Variants in SEMA3A observed in about 807,000 individuals in gnomAD.
The protein encoded by SEMA3A is semaphorin-3A.
SEMA3A carries 29 observed loss-of-function variants against 97.9 expected under a neutral mutation model. The ratio of observed to expected loss-of-function variants is 0.30; its 90% CI spans 0.22 to 0.40. The LOEUF (loss-of-function observed/expected upper bound fraction) is 0.40, where lower values mean the gene tolerates loss of function less well. Ranked by LOEUF, SEMA3A falls within the 10% of genes least tolerant of loss-of-function variation. The probability of loss-of-function intolerance (pLI) is 1.00; values close to 1 mark genes in which losing one functional copy is unlikely to be tolerated. For synonymous variants in SEMA3A, 321 were observed against 323.7 expected, an observed-to-expected ratio of 0.99 and a Z score of 0.09; for missense variants, 763 against 951.3, an observed-to-expected ratio of 0.80 and a Z score of 2.60.
intron 3 of SEMA3A, among the ~76,000 whole-genome samples, chr7:84,286,277 A>T (rs1800586356): frequency 6.6e-6 from 1 of 152,206 alleles, no homozygotes; most frequent in African/African-American, 2.4e-5. Flanking sequence ...TTTCATTCAC[A>T]TATTGAGTTC....
intron 1 of SEMA3A, among the ~76,000 whole-genome samples, chr7:84,162,537 C>T (rs950167213): frequency 6.6e-6 from 1 of 151,986 alleles, no homozygotes; most frequent in Non-Finnish European, 1.5e-5. Flanking sequence ...GACTCTGATT[C>T]TAAGTACAGC....
At chr7:84,313,980 A>C (rs1184181877) in intron 2 of SEMA3A, among the ~76,000 whole-genome samples, 1 of 152,076 alleles carries the variant, frequency 6.6e-6, no homozygotes, top group East Asian at 1.9e-4. Context: ...TTTTACACTT[A>C]AAGTAATAGA....
At chr7:84,311,198 T>C (rs59983170) in intron 2 of SEMA3A, among the ~76,000 whole-genome samples, 10,276 of 152,040 alleles carry the variant, frequency 0.068, 500 homozygotes, top group Middle Eastern at 0.078. Context: ...AAATTAGACA[T>C]ACAACCAAAA....
At chr7:83,965,993 T>TA (rs1331056926) in intron 15 of SEMA3A, among the ~76,000 whole-genome samples, 106 of 150,578 alleles carry the variant, frequency 7.0e-4, no homozygotes, top group Admixed American at 4.0e-3. Flanking sequence ...ATGGGTGCAT[T>TA]AAAAAAAAAT....
intron 1 of SEMA3A, among the ~76,000 whole-genome samples, chr7:84,193,900 C>T (rs1253686734): frequency 6.6e-6 from 1 of 152,078 alleles, no homozygotes; most frequent in Non-Finnish European, 1.5e-5. Context: ...TAGCCAAATA[C>T]AGTCTTTTGT....
chr7:84,340,535 T>G (rs1410711217), intron 2 of SEMA3A, among the ~76,000 whole-genome samples: 1 of 152,086 alleles, frequency 6.6e-6, no homozygotes, highest in Non-Finnish European at 1.5e-5. Flanking sequence ...TCCCAGCACT[T>G]TGGGAGGCCG....
At chr7:84,209,414 AG>A (rs1159796926) in intron 3 of SEMA3A, among the ~76,000 whole-genome samples, 1 of 152,200 alleles carries the variant, frequency 6.6e-6, no homozygotes, top group Non-Finnish European at 1.5e-5. Flanking sequence ...CAGTATGATG[AG>A]GGAAACCCAA....
chr7:84,131,946 T>C (rs945804727), intron 2 of SEMA3A, among the ~76,000 whole-genome samples: 1 of 152,146 alleles, frequency 6.6e-6, no homozygotes, highest in Non-Finnish European at 1.5e-5. Context: ...TGTGCCACCA[T>C]GCCCAGCTTA....
At chr7:84,380,337 T>C (rs1803225520) in intron 1 of SEMA3A, among the ~76,000 whole-genome samples, 1 of 152,204 alleles carries the variant, frequency 6.6e-6, no homozygotes. Context: ...TCCTATGATA[T>C]GTTCACAATC....
chr7:83,973,593 A>G (rs1175545377), intron 15 of SEMA3A, among the ~76,000 whole-genome samples: 3 of 152,190 alleles, frequency 2.0e-5, no homozygotes, highest in Admixed American at 6.6e-5. Context: ...TAGCACTGCT[A>G]CAAAATACTA....
intron 15 of SEMA3A, among the ~76,000 whole-genome samples, chr7:83,967,045 T>C (rs936499951): frequency 6.6e-6 from 1 of 152,144 alleles, no homozygotes; most frequent in African/African-American, 2.4e-5. Context: ...GTTATTTCTA[T>C]TAAGTCTTCT....
chr7:83,961,172 G>A lies in SEMA3A; in HGVS notation c.*199C>T. ...TGCATTCACCTGTGTTCTCTGTTAGGTGGTGGTATTAGGAAAAAAAGCCTA... is the reference window on the plus strand; with the variant it reads ...TGCATTCACCTGTGTTCTCTGTTAGATGGTGGTATTAGGAAAAAAAGCCTA... On this transcript the variant is annotated 3_prime_UTR_variant, in exon 17 of 17. Transcript: ENST00000265362. 5.1e-6 allele frequency: 3 copies of A among 588,532 alleles called. No individual in the cohort carries two copies. In the South Asian group the frequency reaches 6.0e-5, roughly 12 times the overall value. 36.5% of individuals were successfully genotyped at this position (588,532 alleles called of 1,614,324 possible).
rs377455786 is a variant in SEMA3A at position 84,101,778 on chromosome 7, T to C, written c.453+8692A>G. On this transcript the variant is annotated intron_variant, in intron 4 of 16. Transcript: ENST00000265362. The stretch of plus-strand genomic sequence containing the variant: ...CTATCTTTGCTTTACTTTGTAGGAC[T>C]GAGCTGTCCTATACGGGAGCTACTA... Among the ~76,000 whole-genome samples, 23 of 152,304 alleles carry C rather than the reference T, an allele frequency of 1.5e-4. 1 individual carries two copies. In the South Asian group the frequency reaches 3.1e-3, roughly 21 times the overall value.
intron 3 of SEMA3A, among the ~76,000 whole-genome samples, chr7:84,305,894 G>T (rs1801141489): frequency 6.6e-6 from 1 of 151,402 alleles, no homozygotes; most frequent in African/African-American, 2.4e-5. Context: ...GCCAAATAAT[G>T]AATATATACA....
chr7:84,385,679 G>T (rs1001800822), intron 1 of SEMA3A, among the ~76,000 whole-genome samples: 4 of 152,002 alleles, frequency 2.6e-5, no homozygotes, highest in African/African-American at 9.7e-5. Flanking sequence ...TCTGATCTTT[G>T]CTCTGAGTTG....
chr7:84,354,859 C>A (rs1802519278), intron 2 of SEMA3A, among the ~76,000 whole-genome samples: 2 of 151,568 alleles, frequency 1.3e-5, no homozygotes, highest in African/African-American at 2.4e-5. Flanking sequence ...ATACTTAAGT[C>A]ACTAAATTTG....
chr7:84,277,938 C>T (rs1490259423), intron 3 of SEMA3A, among the ~76,000 whole-genome samples: 1 of 152,086 alleles, frequency 6.6e-6, no homozygotes, highest in Non-Finnish European at 1.5e-5. Context: ...AATTCCTCTC[C>T]CCTAAAAGCT....
At chr7:84,199,525 G>A (rs964631832), upstream of SEMA3A, among the ~76,000 whole-genome samples, 1 of 151,128 alleles carries the variant, frequency 6.6e-6, no homozygotes, top group Non-Finnish European at 1.5e-5. Context: ...ATTGAGACAT[G>A]TAAAAAACAT....
chr7:84,304,697 GC>G (rs758532713), intron 3 of SEMA3A, among the ~76,000 whole-genome samples: 12 of 151,978 alleles, frequency 7.9e-5, no homozygotes, highest in Non-Finnish European at 1.6e-4. Context: ...GAATTCCAGT[GC>G]TATCTGAGTC....
Sources: allele counts gnomAD v4.1 joint callset (sites outside exome capture counted in the v4.1 genomes callset), GRCh38; gene constraint gnomAD v4.1.1; transcripts MANE v1.5; gene names NCBI Gene and HGNC (gene_info 2026-07-23, HGNC 2026-07-21).